Variants in APBA1 observed in about 807,000 individuals in gnomAD.
The protein encoded by APBA1 is amyloid beta precursor protein binding family A member 1, also known as amyloid-beta A4 precursor protein-binding family A member 1.
A neutral mutation model predicts 86.6 loss-of-function variants in APBA1; 55 were observed. The observed-to-expected ratio is 0.64, with a 90% CI of 0.51 to 0.80. APBA1 has a LOEUF of 0.80. Among genes scored for constraint, APBA1 ranks in the 30% least tolerant of loss-of-function variants. The probability of loss-of-function intolerance (pLI) is 0.00; values close to 1 mark genes in which losing one functional copy is unlikely to be tolerated. For missense variants in APBA1, 1,090 were observed against 1,183.0 expected (o/e 0.92, Z 1.15); for synonymous variants, 511 against 493.9 (o/e 1.03, Z -0.46).
intron 1 of APBA1, among the ~76,000 whole-genome samples, chr9:69,600,578 C>T (rs1822328216): frequency 6.6e-6 from 1 of 151,974 alleles, no homozygotes; most frequent in South Asian, 2.1e-4. Context: ...GTGGGTGGAT[C>T]ACCTGAGGTC....
intron 1 of APBA1, among the ~76,000 whole-genome samples, chr9:69,646,696 G>A (rs1162047828): frequency 6.6e-6 from 1 of 152,224 alleles, no homozygotes; most frequent in Non-Finnish European, 1.5e-5. Flanking sequence ...AGGGCTGAGA[G>A]CATGAGTGAC....
At chr9:69,497,469 T>C (rs966184973) in intron 2 of APBA1, among the ~76,000 whole-genome samples, 8 of 152,112 alleles carry the variant, frequency 5.3e-5, no homozygotes, top group Non-Finnish European at 7.4e-5. Flanking sequence ...GAGGCCACGA[T>C]GAGGCTGCAC....
Position 69,452,157 on chromosome 9 carries a change from G to A in APBA1, c.1933C>T (p.Leu645=), listed in dbSNP as rs1238280665. 1.2e-6 allele frequency: 2 copies of A among 1,614,088 alleles called. No individual in the cohort carries two copies. Among genetic ancestry groups the A allele is most frequent in the Admixed American group, 3.3e-5 (2 of 60,012 alleles). Reference sequence around the variant, plus strand: ...TTTTCCGACTTGGAGAAGTGGATCAGGTCATCGTTGTACATGTCCTGGGTA... The same window carrying A: ...TTTTCCGACTTGGAGAAGTGGATCAAGTCATCGTTGTACATGTCCTGGGTA... ...LNTQDMYNDD[L]IHFSKSENCK... The change falls in exon 9 of 13, where the codon CTG becomes TTG. Residue 645 remains leucine, a synonymous_variant. Coordinates refer to ENST00000265381, the MANE Select transcript of APBA1 (RefSeq NM_001163.4).
intron 1 of APBA1, among the ~76,000 whole-genome samples, chr9:69,586,112 C>T (rs748320305): frequency 1.3e-5 from 2 of 152,176 alleles, no homozygotes; most frequent in Non-Finnish European, 2.9e-5. Flanking sequence ...TCTGCTGGGG[C>T]AAGCAGCTAG....
At chr9:69,499,158 T>A (rs1399459312) in intron 2 of APBA1, among the ~76,000 whole-genome samples, 2 of 152,132 alleles carry the variant, frequency 1.3e-5, no homozygotes, top group Non-Finnish European at 2.9e-5. Flanking sequence ...AACACTGGAA[T>A]GTATACTCTT....
At chr9:69,555,097 GAA>G (rs1836842225) in intron 1 of APBA1, among the ~76,000 whole-genome samples, 1 of 152,310 alleles carries the variant, frequency 6.6e-6, no homozygotes, top group East Asian at 1.9e-4. Context: ...TGCAACATCA[GAA>G]AGTCATTTTG....
At chr9:69,470,103 A>C (rs916594720) in intron 4 of APBA1, among the ~76,000 whole-genome samples, 3 of 152,232 alleles carry the variant, frequency 2.0e-5, no homozygotes, top group Non-Finnish European at 4.4e-5. Flanking sequence ...AGACACACAA[A>C]TATCAGACCT....
At chr9:69,512,582 A>T (rs906076145) in intron 2 of APBA1, among the ~76,000 whole-genome samples, 3 of 152,198 alleles carry the variant, frequency 2.0e-5, no homozygotes, top group East Asian at 1.9e-4. Flanking sequence ...TCACAGTGAG[A>T]TACCTCTTTT....
chr9:69,602,385 C>T (rs1182926717), intron 1 of APBA1, among the ~76,000 whole-genome samples: 1 of 152,050 alleles, frequency 6.6e-6, no homozygotes. Flanking sequence ...TCCTGCCTAA[C>T]ATGGTGAAAC....
At chr9:69,663,129 T>A (rs1396284039) in intron 1 of APBA1, among the ~76,000 whole-genome samples, 1 of 152,256 alleles carries the variant, frequency 6.6e-6, no homozygotes, top group Non-Finnish European at 1.5e-5. Flanking sequence ...GGTTCACCAA[T>A]GCAGAGATTA....
At chr9:69,532,217 A>C (rs1026071739) in intron 1 of APBA1, among the ~76,000 whole-genome samples, 5 of 152,182 alleles carry the variant, frequency 3.3e-5, no homozygotes, top group Non-Finnish European at 7.3e-5. Flanking sequence ...CTTTCCATTA[A>C]ATTTTTCTGT....
intron 1 of APBA1, among the ~76,000 whole-genome samples, chr9:69,643,653 G>A (rs1823335434): frequency 2.0e-5 from 3 of 152,166 alleles, no homozygotes; most frequent in Admixed American, 2.0e-4. Flanking sequence ...ACTTTATAAA[G>A]CTTCACATTC....
In APBA1 at chr9:69,431,304, C is replaced by A. The variant is rs755146441; in HGVS notation, c.*23G>T. On this transcript the variant is annotated 3_prime_UTR_variant, in exon 13 of 13. Coordinates refer to ENST00000265381, the MANE Select transcript of APBA1 (RefSeq NM_001163.4). Reference sequence around the variant, plus strand: ...ACCACGAAGAGGAGAGTCCTCCATGCATGCCACCGCGTGTGGCCGCGGTCA... The same window carrying A: ...ACCACGAAGAGGAGAGTCCTCCATGAATGCCACCGCGTGTGGCCGCGGTCA... 1 of 1,576,074 alleles carries A rather than the reference C, an allele frequency of 6.3e-7. No homozygotes were observed. The highest frequency in any genetic ancestry group is 8.6e-7 in the Non-Finnish European group (1 of 1,161,506).
intron 11 of APBA1, among the ~76,000 whole-genome samples, chr9:69,434,655 C>A (rs972032295): frequency 6.7e-6 from 1 of 149,994 alleles, no homozygotes; most frequent in South Asian, 2.1e-4. Flanking sequence ...TGCAGTGAGC[C>A]GAGATCGTGC....
intron 12 of APBA1, 36 bp from the exon 13 acceptor site, chr9:69,431,434 G>A (rs1015147765): frequency 2.5e-6 from 4 of 1,587,696 alleles, no homozygotes; most frequent in Non-Finnish European, 2.6e-6. Flanking sequence ...GGGGGGCTGA[G>A]GCTGGGGGCT....
intron 4 of APBA1, among the ~76,000 whole-genome samples, chr9:69,470,431 C>T (rs1835349114): frequency 6.6e-6 from 1 of 152,148 alleles, no homozygotes; most frequent in Non-Finnish European, 1.5e-5. Context: ...CTGAAAAATC[C>T]CTAGGCCTGG....
rs1019690369 is a variant in APBA1, at chr9:69,432,437, A to C, written c.2442+99T>G. Reference sequence around the variant, plus strand: ...AGTGTTCAGGATTGGAAACTCAGGGAGCTTTCCTGGAAGGTCTGCTCAGGG... The same window carrying C: ...AGTGTTCAGGATTGGAAACTCAGGGCGCTTTCCTGGAAGGTCTGCTCAGGG... On this transcript the variant is annotated intron_variant, in intron 12 of 12. Transcript: ENST00000265381. The C allele has an allele frequency of 2.0e-5, 25 of 1,237,288 alleles. 1 individual carries two copies. Among genetic ancestry groups the C allele is most frequent in the Middle Eastern group, 5.5e-4 (2 of 3,652 alleles). 76.6% of individuals were successfully genotyped at this position (1,237,288 alleles called of 1,614,324 possible).
In APBA1 at chr9:69,457,073, C is replaced by G. The variant is rs1265216293; in HGVS notation, c.1582G>C (p.Val528Leu). 1 of 1,614,060 alleles carries G rather than the reference C, an allele frequency of 6.2e-7. No homozygotes were observed. Among genetic ancestry groups the G allele is most frequent in the African/African-American group, 1.3e-5 (1 of 74,930 alleles). Residue 528 changes from valine to leucine, a missense_variant, in exon 7 of 13, where the codon GTG becomes CTG. By Grantham distance (32) the Val-to-Leu change is conservative (BLOSUM62 1). Around this residue, in one of 6 missense-constraint regions of APBA1, gnomAD observed 76 missense variants for 122.2 expected, o/e 0.62. Transcript: ENST00000265381. ...GATACCTGTGTGTCGGCGTTCAGCA[C>G]TTTGATTCTCTGGGTAGAAATGAAG... The part of the protein sequence containing the change: ...DLFISTQRIK[V>L]LNADTQETMM...
At chr9:69,594,371 A>G (rs1221040142) in intron 1 of APBA1, among the ~76,000 whole-genome samples, 1 of 152,170 alleles carries the variant, frequency 6.6e-6, no homozygotes, top group African/African-American at 2.4e-5. Flanking sequence ...TGTTTAATCA[A>G]GTTCTTGGGC....
Sources: gnomAD v4.1 joint callset for allele counts (sites outside exome capture counted in the v4.1 genomes callset) on GRCh38, gnomAD v4.1.1 for gene constraint, gnomAD v4.1.1 regional missense constraint, MANE v1.5 for transcripts, NCBI Gene and HGNC (gene_info 2026-07-23, HGNC 2026-07-21) for gene names.